The following EHHADH variants were observed in gnomAD, a reference collection of about 807,000 sequenced individuals.
The protein encoded by EHHADH is enoyl-CoA hydratase and 3-hydroxyacyl CoA dehydrogenase.
EHHADH carries 48 observed loss-of-function variants against 64.4 expected under a neutral mutation model. The ratio of observed to expected loss-of-function variants is 0.75; its 90% confidence interval spans 0.59 to 0.95. The LOEUF is 0.95. Among genes scored for constraint, EHHADH ranks in the 40% least tolerant of loss-of-function variants. EHHADH has a pLI of 0.00. For missense variants in EHHADH, 854 were observed against 876.6 expected (o/e 0.97, Z 0.33); for synonymous variants, 308 against 326.7 (o/e 0.94, Z 0.62).
At chr3:185,228,826 A>T (rs554250326) in intron 4 of EHHADH, among the ~76,000 whole-genome samples, 23 of 151,944 alleles carry the variant, frequency 1.5e-4, no homozygotes, top group Non-Finnish European at 2.8e-4. Context: ...TTTTTTTTAG[A>T]TGAGTCTCGC....
intron 5 of EHHADH, among the ~76,000 whole-genome samples, chr3:185,214,171 A>G (rs1468317909): frequency 6.6e-6 from 1 of 152,192 alleles, no homozygotes; most frequent in Non-Finnish European, 1.5e-5. Context: ...AAAAAACAGT[A>G]AAAGTCCTAG....
At chr3:185,245,794 A>G (rs536440463) in intron 2 of EHHADH, 1 of 725,344 alleles carries the variant, frequency 1.4e-6, no homozygotes, top group Non-Finnish European at 2.5e-6. Flanking sequence ...AGTTGACAGA[A>G]GAAGTTTTCT....
At chr3:185,252,271 G>C (rs1467563942) in intron 1 of EHHADH, among the ~76,000 whole-genome samples, 1 of 152,026 alleles carries the variant, frequency 6.6e-6, no homozygotes, top group Non-Finnish European at 1.5e-5. Context: ...GTGGTGGCAC[G>C]CACCTGTAGT....
chr3:185,241,322 TA>T (rs1719445690), intron 2 of EHHADH, among the ~76,000 whole-genome samples: 1 of 152,192 alleles, frequency 6.6e-6, no homozygotes, highest in Admixed American at 6.5e-5. Flanking sequence ...TACCAAGTAG[TA>T]GGATTGCTGG....
chr3:185,192,903 C>T lies in EHHADH; in HGVS notation c.1495G>A (p.Gly499Ser). Reference sequence around the variant, plus strand: ...TGATCTACCTCCTCTGGTTTGCTGCCTTCTTCTAACAAGAAATATGCCTGA... The same window carrying T: ...TGATCTACCTCCTCTGGTTTGCTGCTTTCTTCTAACAAGAAATATGCCTGA... ...YNQAYFLLEE[G>S]SKPEEVDQVL... The change falls in exon 7 of 7, where the codon GGC (glycine) becomes AGC (serine). Residue 499 changes from glycine to serine, a missense_variant. Coordinates refer to ENST00000231887, the MANE Select transcript of EHHADH (RefSeq NM_001966.4). 1.2e-6 allele frequency: 2 copies of T among 1,614,150 alleles called. No individual in the cohort carries two copies. The highest frequency in any genetic ancestry group is 2.2e-5 in the East Asian group (1 of 44,880).
chr3:185,192,758 C>A lies in EHHADH; in HGVS notation c.1640G>T (p.Gly547Val), dbSNP rs1305206860. 6.8e-6 allele frequency: 11 copies of A among 1,614,038 alleles called. No individual in the cohort carries two copies. Among genetic ancestry groups the A allele is most frequent in the Middle Eastern group, 1.6e-4 (1 of 6,062 alleles). ...ATTACCCCTTTTTCGGGCAGGAGTTCCTGGAAGCAATGTAGGTCCAGTAAG... is the reference window on the plus strand; with the variant it reads ...ATTACCCCTTTTTCGGGCAGGAGTTACTGGAAGCAATGTAGGTCCAGTAAG... ...QGLTGPTLLP[G>V]TPARKRGNRR... is the part of the protein sequence containing the mutation. Residue 547 changes from glycine to valine, a missense_variant, in exon 7 of 7, where the codon GGA becomes GTA. Gly to Val is a moderately radical substitution (Grantham distance 109). Coordinates refer to ENST00000231887, the MANE Select transcript of EHHADH (RefSeq NM_001966.4).
Position 185,216,216 on chromosome 3 carries a change from T to C in EHHADH, c.568+1920A>G, listed in dbSNP as rs1052851363. Among the ~76,000 whole-genome samples the C allele has an allele frequency of 2.0e-5, 3 of 152,358 alleles. No homozygotes were observed. The highest frequency in any genetic ancestry group is 7.2e-5 in the African/African-American group (3 of 41,580). ...GACCATTTTAGAAATGTAGCTAAGGTTGAGACCTGGATCCAGGTCTCCTAG... is the reference window on the plus strand; with the variant it reads ...GACCATTTTAGAAATGTAGCTAAGGCTGAGACCTGGATCCAGGTCTCCTAG... On this transcript the variant is annotated intron_variant, in intron 5 of 6. Transcript: ENST00000231887. The surrounding 1 kb of genome is among the most constrained non-coding windows in gnomAD (Gnocchi z 5.3).
intron 5 of EHHADH, among the ~76,000 whole-genome samples, chr3:185,208,503 A>G (rs190102334): frequency 5.9e-4 from 90 of 152,380 alleles, no homozygotes; most frequent in African/African-American, 2.0e-3. Context: ...TAGAATGACT[A>G]TAATAAAAAG....
Position 185,191,999 on chromosome 3 carries a change from C to A in EHHADH, c.*227G>T. The A allele has an allele frequency of 1.9e-6, 1 of 532,608 alleles. No individual in the cohort carries two copies. Among genetic ancestry groups the A allele is most frequent in the Non-Finnish European group, 3.3e-6 (1 of 306,262 alleles). 33.0% of individuals were successfully genotyped at this position (532,608 alleles called of 1,614,324 possible). On this transcript the variant is annotated 3_prime_UTR_variant, in exon 7 of 7. Coordinates refer to ENST00000231887, the MANE Select transcript of EHHADH (RefSeq NM_001966.4). ...TCATTAGCTATTATGGTATTATATTCACACAAGTTCATGCATTGAATTTAT... is the reference window on the plus strand; with the variant it reads ...TCATTAGCTATTATGGTATTATATTAACACAAGTTCATGCATTGAATTTAT...
rs573515624 is a variant in EHHADH at position 185,208,779 on chromosome 3, C to T, written c.569-4022G>A. On this transcript the variant is annotated intron_variant, in intron 5 of 6. Coordinates refer to ENST00000231887, the MANE Select transcript of EHHADH (RefSeq NM_001966.4). Reference sequence around the variant, plus strand: ...AAAATCTGGAAACAATCCAAACATCCATCAGCTGTTGAATGACTAAAGAAA... The same window carrying T: ...AAAATCTGGAAACAATCCAAACATCTATCAGCTGTTGAATGACTAAAGAAA... 2.0e-5 allele frequency among the ~76,000 whole-genome samples: 3 copies of T among 152,266 alleles called. No individual in the cohort carries two copies. The East Asian group carries it at 5.8e-4, about 29-fold the overall frequency.
intron 1 of EHHADH, among the ~76,000 whole-genome samples, chr3:185,252,089 A>G (rs996887551): frequency 6.6e-6 from 1 of 152,164 alleles, no homozygotes; most frequent in Non-Finnish European, 1.5e-5. Flanking sequence ...AGAGCAGGTT[A>G]AATTCCAGAA....
intron 5 of EHHADH, among the ~76,000 whole-genome samples, chr3:185,211,717 C>G (rs981697871): frequency 1.3e-5 from 2 of 152,172 alleles, no homozygotes; most frequent in African/African-American, 4.8e-5. Context: ...TAGACATGTG[C>G]GTAGGCCTCC....
At chr3:185,228,159 C>A (rs1560016802) in intron 4 of EHHADH, among the ~76,000 whole-genome samples, 1 of 136,262 alleles carries the variant, frequency 7.3e-6, no homozygotes, top group African/African-American at 2.7e-5. Flanking sequence ...CACTTGAACC[C>A]AGGAGGCGGA....
In EHHADH at chr3:185,216,098, T is replaced by A. The variant is rs1344981295; in HGVS notation, c.568+2038A>T. Among the ~76,000 whole-genome samples, 4 of 152,216 alleles carry A rather than the reference T, an allele frequency of 2.6e-5. No individual in the cohort carries two copies. The highest frequency in any genetic ancestry group is 4.8e-5 in the African/African-American group (2 of 41,448). On this transcript the variant is annotated intron_variant, in intron 5 of 6. Coordinates refer to ENST00000231887, the MANE Select transcript of EHHADH (RefSeq NM_001966.4). This position sits in a 1 kb window ranked among gnomAD's most constrained non-coding sequence, Gnocchi z 5.3. ...GACAAACTGTATAATGTCGTTGAGA[T>A]GAAACACTATTTTGTAAGTTTTATA...
intron 4 of EHHADH, among the ~76,000 whole-genome samples, chr3:185,219,169 G>T (rs1050493383): frequency 6.6e-6 from 1 of 152,212 alleles, no homozygotes; most frequent in Non-Finnish European, 1.5e-5. Flanking sequence ...ATGGATTTCT[G>T]CCAGTTTTTG....
chr3:185,201,432 T>C (rs1718218670), intron 6 of EHHADH, among the ~76,000 whole-genome samples: 1 of 152,134 alleles, frequency 6.6e-6, no homozygotes, highest in South Asian at 2.1e-4. Context: ...TAAAGCGCAA[T>C]GGTCTGAGAA....
chr3:185,212,445 C>T (rs1412793193), intron 5 of EHHADH, among the ~76,000 whole-genome samples: 2 of 152,202 alleles, frequency 1.3e-5, no homozygotes, highest in African/African-American at 4.8e-5. Context: ...ACACTCCCTT[C>T]CCACTCGTAA....
intron 2 of EHHADH, among the ~76,000 whole-genome samples, chr3:185,243,856 T>C (rs917105966): frequency 6.6e-6 from 1 of 152,226 alleles, no homozygotes; most frequent in Admixed American, 6.5e-5. Flanking sequence ...TAAGTGTGTC[T>C]ATTAGGTCCA....
At chr3:185,226,700 A>ACTACAGCC (rs1386444352) in intron 4 of EHHADH, 2 of 151,964 alleles carry the variant, frequency 1.3e-5, no homozygotes, top group African/African-American at 4.8e-5. Context: ...CCTCCAGATG[A>ACTACAGCC]CTACAGCCCT....
Sources: allele counts gnomAD v4.1 joint callset (sites outside exome capture counted in the v4.1 genomes callset), GRCh38; gene constraint gnomAD v4.1.1; non-coding constraint Gnocchi (gnomAD v3.1); transcripts MANE v1.5; gene names NCBI Gene and HGNC (gene_info 2026-07-23, HGNC 2026-07-21).